ERC1: variants seen among roughly 807,000 people sequenced by gnomAD.
The protein encoded by ERC1 is ELKS/RAB6-interacting/CAST family member 1, also known as RAB6 interacting protein 2.
In ERC1, 56 loss-of-function variants were observed where a neutral mutation model predicts 132.0. The observed-to-expected ratio is 0.42, with a 90% CI of 0.34 to 0.53. The LOEUF (loss-of-function observed/expected upper bound fraction) is 0.53, where lower values mean the gene tolerates loss of function less well. ERC1 is among the 20% of genes least tolerant of loss of function. ERC1 has a pLI of 0.03. For synonymous variants in ERC1, 478 were observed against 476.1 expected, an observed-to-expected ratio of 1.00 and a Z score of -0.05; for missense variants, 1,202 against 1,349.9, an observed-to-expected ratio of 0.89 and a Z score of 1.72.
intron 8 of ERC1, among the ~76,000 whole-genome samples, chr12:1,180,310 C>T (rs1246242052): frequency 1.4e-5 from 2 of 147,732 alleles, no homozygotes. Flanking sequence ...CGCGCGCATA[C>T]ACATGTGTAC....
chr12:1,223,979 A>T (rs1271775858), intron 12 of ERC1, among the ~76,000 whole-genome samples: 1 of 152,184 alleles, frequency 6.6e-6, no homozygotes, highest in Non-Finnish European at 1.5e-5. Flanking sequence ...ATCAAACTAG[A>T]TGTTAATCTA....
chr12:1,464,511 C>CTTTTTTTTT (rs34542821), intron 18 of ERC1, among the ~76,000 whole-genome samples: 1 of 67,398 alleles, frequency 1.5e-5, no homozygotes, highest in Non-Finnish European at 2.7e-5. Flanking sequence ...ATGCAAAAGC[C>CTTTTTTTTT]TTTTTTTTTT....
chr12:1,465,848 T>C (rs1202921599), intron 18 of ERC1, among the ~76,000 whole-genome samples: 1 of 152,208 alleles, frequency 6.6e-6, no homozygotes, highest in African/African-American at 2.4e-5. Flanking sequence ...GAGAATCTCC[T>C]GCATGCCCTG....
intron 14 of ERC1, among the ~76,000 whole-genome samples, chr12:1,272,443 A>G (rs2077927892): frequency 6.6e-6 from 1 of 152,324 alleles, no homozygotes; most frequent in South Asian, 2.1e-4. Flanking sequence ...ACTGTGACTC[A>G]AGGAAATTCT....
intron 7 of ERC1, among the ~76,000 whole-genome samples, chr12:1,131,690 C>A (rs1453634607): frequency 6.6e-6 from 1 of 152,154 alleles, no homozygotes; most frequent in Non-Finnish European, 1.5e-5. Flanking sequence ...TGGTCTCGAT[C>A]TCCTGACCTT....
At chr12:1,092,321 A>G (rs1334804186) in intron 3 of ERC1, among the ~76,000 whole-genome samples, 1 of 152,228 alleles carries the variant, frequency 6.6e-6, no homozygotes, top group Non-Finnish European at 1.5e-5. Context: ...TCTAAAAGTC[A>G]CAACTTTCCC....
chr12:1,365,361 AC>A (rs2086562246), intron 15 of ERC1, among the ~76,000 whole-genome samples: 2 of 152,166 alleles, frequency 1.3e-5, no homozygotes. Flanking sequence ...GCAGTGAAAT[AC>A]AGCTTCAGGA....
At chr12:1,099,127 G>A (rs1304316640) in intron 3 of ERC1, among the ~76,000 whole-genome samples, 1 of 152,114 alleles carries the variant, frequency 6.6e-6, no homozygotes, top group African/African-American at 2.4e-5. Context: ...TTCAATGGAG[G>A]GGTAGAGAAA....
chr12:1,019,481 G>C (rs1966006518), intron 1 of ERC1, among the ~76,000 whole-genome samples: 1 of 152,156 alleles, frequency 6.6e-6, no homozygotes, highest in Admixed American at 6.6e-5. Flanking sequence ...CTGTCAGTGG[G>C]ATATTATCAC....
intron 1 of ERC1, among the ~76,000 whole-genome samples, chr12:1,012,626 T>C (rs1207405960): frequency 1.3e-5 from 2 of 151,838 alleles, no homozygotes; most frequent in Non-Finnish European, 2.9e-5. Flanking sequence ...GCCCAGCTAA[T>C]TGTATTTTTA....
intron 16 of ERC1, among the ~76,000 whole-genome samples, chr12:1,398,944 T>C (rs1354303249): frequency 1.1e-5 from 1 of 93,170 alleles, no homozygotes; most frequent in Admixed American, 9.4e-5. Context: ...TTTTTTTTTT[T>C]TTTTTTTTTT....
chr12:1,248,800 C>T (rs1476732270), intron 13 of ERC1, among the ~76,000 whole-genome samples: 3 of 152,058 alleles, frequency 2.0e-5, no homozygotes, highest in African/African-American at 4.8e-5. Context: ...TAATGTTGCA[C>T]GAGACAAACA....
intron 17 of ERC1, among the ~76,000 whole-genome samples, chr12:1,440,237 C>T: frequency 7.8e-6 from 1 of 127,754 alleles, no homozygotes; most frequent in South Asian, 2.4e-4. Flanking sequence ...CAGAGTCTTG[C>T]TCTGTCGCCC....
chr12:1,361,960 C>T lies in ERC1; in HGVS notation c.2781-9873C>T, dbSNP rs572217738. ...CCTGGATTCCAATGCTTCTTAAAGT[C>T]ATTCTGTTTTTCCATGCAGTTCGTT... On this transcript the variant is annotated intron_variant, in intron 15 of 18. Transcript: ENST00000360905. Among the ~76,000 whole-genome samples, 12 of 152,266 alleles carry T rather than the reference C, an allele frequency of 7.9e-5. No individual in the cohort carries two copies. In the East Asian group the frequency reaches 2.3e-3, roughly 29 times the overall value.
intron 8 of ERC1, among the ~76,000 whole-genome samples, chr12:1,164,281 GTTAT>G (rs1566120688): frequency 1.5e-5 from 2 of 132,686 alleles, no homozygotes; most frequent in African/African-American, 6.8e-5. Context: ...GTTATTTTAT[GTTAT>G]TTTATTTTGT....
intron 15 of ERC1, among the ~76,000 whole-genome samples, chr12:1,293,642 A>AG (rs1482683556): frequency 6.6e-6 from 1 of 152,184 alleles, no homozygotes; most frequent in African/African-American, 2.4e-5. Flanking sequence ...AAAAAAAAAA[A>AG]AAATTGTGGG....
intron 12 of ERC1, among the ~76,000 whole-genome samples, chr12:1,191,066 G>A (rs557266053): frequency 6.6e-6 from 1 of 152,176 alleles, no homozygotes; most frequent in South Asian, 2.1e-4. Context: ...AAACTATAAA[G>A]TCTAACCTTC....
chr12:1,266,568 CT>C (rs2077498237), intron 14 of ERC1, among the ~76,000 whole-genome samples: 2 of 151,634 alleles, frequency 1.3e-5, no homozygotes, highest in African/African-American at 4.8e-5. Context: ...CCACGCCCAG[CT>C]AATTTTTGTA....
Position 1,494,187 on chromosome 12 carries a change from GCCT to G in ERC1, c.*3962_*3964del, listed in dbSNP as rs976668231. The G allele has an allele frequency of 3.9e-5, 9 of 232,136 alleles. No individual in the cohort carries two copies. Among genetic ancestry groups the G allele is most frequent in the South Asian group, 3.6e-4 (2 of 5,516 alleles). The allele number at this position is 232,136 out of a possible 1,614,324, so 14.4% of individuals were successfully genotyped here. A position where few individuals can be genotyped will look rare whatever the true frequency, so the allele number is the denominator to read the frequency against. On this transcript the variant is annotated 3_prime_UTR_variant, in exon 19 of 19. Transcript: ENST00000360905. ...ACCAGTAATTTAACATCTGCTCCTGGCCTCCTCTTCACCTGCCTGGGTTCGGAA... is the reference window on the plus strand; with the variant it reads ...ACCAGTAATTTAACATCTGCTCCTGGCCTCTTCACCTGCCTGGGTTCGGAA...
Sources: allele counts gnomAD v4.1 joint callset (sites outside exome capture counted in the v4.1 genomes callset), GRCh38; gene constraint gnomAD v4.1.1; transcripts MANE v1.5; gene names NCBI Gene and HGNC (gene_info 2026-07-23, HGNC 2026-07-21).